Variants in GALNT14 observed in about 807,000 individuals in gnomAD.
GALNT14 encodes the protein UDP-GalNAc:polypeptide N-acetylgalactosaminyltransferase 14.
In GALNT14, 60 loss-of-function variants were observed where a neutral mutation model predicts 77.5. The observed-to-expected ratio is 0.77, with a 90% confidence interval of 0.63 to 0.96. The LOEUF is 0.96. GALNT14 is among the 40% of genes least tolerant of loss of function. The pLI, the probability that GALNT14 is intolerant of heterozygous loss-of-function variation, is 0.00. For missense variants in GALNT14, 710 were observed against 731.0 expected (o/e 0.97, Z 0.33); for synonymous variants, 280 against 281.7 (o/e 0.99, Z 0.06).
intron 2 of GALNT14, chr2:30,991,486 C>A (rs1669698464): frequency 6.6e-6 from 1 of 152,174 alleles, no homozygotes; most frequent in Admixed American, 6.5e-5. Context: ...GATTTTCAGA[C>A]ACTTTCAGGC....
chr2:31,113,991 C>G (rs1451589988), intron 1 of GALNT14, among the ~76,000 whole-genome samples: 1 of 152,148 alleles, frequency 6.6e-6, no homozygotes, highest in Non-Finnish European at 1.5e-5. Flanking sequence ...AACAGACACA[C>G]AACTCTCCCT....
intron 8 of GALNT14, 25 bp downstream of exon 8, chr2:30,944,833 C>G (rs898250725): frequency 6.4e-7 from 1 of 1,566,644 alleles, no homozygotes; most frequent in Non-Finnish European, 8.7e-7. Context: ...GTCTGCCCAC[C>G]CCTGCACAGA....
intron 1 of GALNT14, among the ~76,000 whole-genome samples, chr2:31,078,746 T>C (rs561631399): frequency 3.9e-5 from 6 of 152,024 alleles, no homozygotes; most frequent in South Asian, 2.1e-4. Context: ...CTAGATTGCA[T>C]GGTGAGACTG....
intron 9 of GALNT14, among the ~76,000 whole-genome samples, chr2:30,940,776 A>G (rs1457540576): frequency 6.6e-6 from 1 of 152,148 alleles, no homozygotes. Flanking sequence ...CCCAGCCTCG[A>G]ACCCCACACC....
chr2:31,125,074 C>G (rs1439086894), intron 1 of GALNT14: 1 of 1,005,740 alleles, frequency 9.9e-7, no homozygotes. Context: ...GGCAGATCAT[C>G]CTACCCACAG....
At chr2:31,028,448 A>T (rs1045889719) in intron 1 of GALNT14, among the ~76,000 whole-genome samples, 3 of 152,246 alleles carry the variant, frequency 2.0e-5, no homozygotes, top group Non-Finnish European at 4.4e-5. Context: ...TGCTGGGATG[A>T]GAGCATCAAG....
intron 1 of GALNT14, among the ~76,000 whole-genome samples, chr2:31,023,773 C>T (rs917652738): frequency 1.4e-4 from 22 of 152,094 alleles, no homozygotes; most frequent in African/African-American, 5.3e-4. Context: ...CCACTCACTC[C>T]TGCTTTCCCT....
intron 1 of GALNT14, among the ~76,000 whole-genome samples, chr2:31,124,413 T>C (rs1363694309): frequency 2.6e-5 from 4 of 152,188 alleles, no homozygotes; most frequent in South Asian, 2.1e-4. Flanking sequence ...CGTTTGACAA[T>C]TGCATTTAAA....
At chr2:30,976,613 G>T (rs368244723) in intron 2 of GALNT14, among the ~76,000 whole-genome samples, 1 of 133,990 alleles carries the variant, frequency 7.5e-6, no homozygotes, top group Non-Finnish European at 1.5e-5. Context: ...GTGCGTGTGC[G>T]TGTGTGTATG....
the GALNT14 span, among the ~76,000 whole-genome samples, chr2:30,898,291 G>A: frequency 6.6e-6 from 1 of 152,186 alleles, no homozygotes; most frequent in South Asian, 2.1e-4. Context: ...AAACCACCCA[G>A]GGTATGACAT....
chr2:31,089,950 C>T (rs1295132550), intron 1 of GALNT14, among the ~76,000 whole-genome samples: 1 of 152,206 alleles, frequency 6.6e-6, no homozygotes, highest in Non-Finnish European at 1.5e-5. Flanking sequence ...GTTCTGTGTG[C>T]CACCTTCAAC....
rs182398222 is a variant in GALNT14 at position 30,955,528 on chromosome 2, G to A, written c.654+90C>T. The stretch of plus-strand genomic sequence containing the variant: ...GTTCTGCCCACCTCCCAGAAGAACT[G>A]GGGGTTGCACATGTGAAGTAATGAG... On this transcript the variant is annotated intron_variant, in intron 6 of 14. Transcript: ENST00000349752. 766 of 1,509,710 alleles carry A rather than the reference G, an allele frequency of 5.1e-4. 8 individuals are homozygous for A. Among genetic ancestry groups the A allele is most frequent in the Admixed American group, 4.0e-4 (20 of 49,716 alleles). The allele number at this position is 1,509,710 out of a possible 1,614,324, so 93.5% of individuals were successfully genotyped here.
intron 2 of GALNT14, among the ~76,000 whole-genome samples, chr2:30,988,557 T>C (rs1367007686): frequency 1.3e-5 from 2 of 150,118 alleles, no homozygotes; most frequent in Non-Finnish European, 1.5e-5. Flanking sequence ...AGTGGAGAAA[T>C]GGAGAGGGCT....
intron 1 of GALNT14, among the ~76,000 whole-genome samples, chr2:31,109,519 G>A (rs1002557460): frequency 3.9e-5 from 6 of 152,208 alleles, no homozygotes; most frequent in Non-Finnish European, 8.8e-5. Context: ...CCTTCCTTGA[G>A]AGTATAAACT....
intron 1 of GALNT14, among the ~76,000 whole-genome samples, chr2:31,010,426 C>G (rs1381705696): frequency 6.6e-6 from 1 of 152,178 alleles, no homozygotes; most frequent in East Asian, 1.9e-4. Context: ...GGTAAAACCC[C>G]ATCTCTACTA....
At position 30,970,426 on chromosome 2, in the gene GALNT14, T is replaced by A. The variant is rs79820745; in HGVS notation, c.300-4124A>T. Among the ~76,000 whole-genome samples the A allele has an allele frequency of 5.0e-3, 756 of 152,258 alleles. 17 individuals carry two copies. The highest frequency in any genetic ancestry group is 0.044 in the South Asian group (212 of 4,818). On this transcript the variant is annotated intron_variant, in intron 2 of 14. Coordinates refer to ENST00000349752, the MANE Select transcript of GALNT14 (RefSeq NM_024572.4). ...ACATTTTTGTTGTGAAGACTGCAGA[T>A]GATGCACGTAAGCACGTGGTGTTTA...
At chr2:30,947,024 C>G (rs1307483862) in intron 6 of GALNT14, among the ~76,000 whole-genome samples, 1 of 152,146 alleles carries the variant, frequency 6.6e-6, no homozygotes, top group Non-Finnish European at 1.5e-5. Context: ...CTCCCCGCAG[C>G]ACTAAATGAA....
intron 6 of GALNT14, among the ~76,000 whole-genome samples, chr2:30,947,790 G>T (rs951976512): frequency 6.6e-6 from 1 of 152,174 alleles, no homozygotes; most frequent in Non-Finnish European, 1.5e-5. Flanking sequence ...GATTCACTGA[G>T]TGCCTGATTT....
chr2:30,894,803 C>T, the GALNT14 span, among the ~76,000 whole-genome samples: 2 of 152,314 alleles, frequency 1.3e-5, no homozygotes, highest in South Asian at 2.1e-4. Flanking sequence ...GCCTACGGCC[C>T]CCCATTCTTA....
Sources: allele counts gnomAD v4.1 joint callset (sites outside exome capture counted in the v4.1 genomes callset), GRCh38; gene constraint gnomAD v4.1.1; transcripts MANE v1.5; gene names NCBI Gene and HGNC (gene_info 2026-07-23, HGNC 2026-07-21).